Variants in ATXN1 observed in about 807,000 individuals in gnomAD.
ATXN1 encodes ataxin-1.
Under a neutral mutation model 56.4 loss-of-function variants are expected in ATXN1, and 8 were observed. That is an observed-to-expected ratio of 0.14 (90% confidence interval 0.08 to 0.26). The LOEUF (loss-of-function observed/expected upper bound fraction) is 0.26. Among genes scored for constraint, ATXN1 ranks in the 10% least tolerant of loss-of-function variants. The pLI, the probability that ATXN1 is intolerant of heterozygous loss-of-function variation, is 1.00. For synonymous variants in ATXN1, 514 were observed against 494.6 expected (o/e 1.04, Z -0.52); for missense variants, 987 against 1,106.5 (o/e 0.89, Z 1.53).
At chr6:16,585,360 T>C (rs1367969603) in intron 4 of ATXN1, among the ~76,000 whole-genome samples, 1 of 152,212 alleles carries the variant, frequency 6.6e-6, no homozygotes, top group East Asian at 1.9e-4. Flanking sequence ...TTAATAACTA[T>C]ACGGTAGAAA....
chr6:16,424,996 T>C (rs1384819907), intron 6 of ATXN1, among the ~76,000 whole-genome samples: 2 of 152,252 alleles, frequency 1.3e-5, no homozygotes, highest in Admixed American at 6.5e-5. Flanking sequence ...CAGTTTCTGG[T>C]ACCTTTGCAG....
chr6:16,646,977 TC>T (rs1343063556), intron 3 of ATXN1, among the ~76,000 whole-genome samples: 11 of 152,094 alleles, frequency 7.2e-5, no homozygotes, highest in African/African-American at 2.7e-4. Context: ...GCATCAAGAC[TC>T]ATTTAGGTTT....
At chr6:16,719,625 A>C (rs540348495) in intron 2 of ATXN1, among the ~76,000 whole-genome samples, 4 of 152,290 alleles carry the variant, frequency 2.6e-5, no homozygotes, top group African/African-American at 9.6e-5. Flanking sequence ...ATGACAGCTG[A>C]GATAGGCTCT....
intron 6 of ATXN1, among the ~76,000 whole-genome samples, chr6:16,377,357 G>T (rs1762160735): frequency 6.6e-6 from 1 of 152,216 alleles, no homozygotes; most frequent in Non-Finnish European, 1.5e-5. Flanking sequence ...GCACACTCTT[G>T]TTCTCTGCCT....
At chr6:16,481,510 C>T (rs1040137489) in intron 6 of ATXN1, among the ~76,000 whole-genome samples, 1 of 152,166 alleles carries the variant, frequency 6.6e-6, no homozygotes, top group Non-Finnish European at 1.5e-5. Context: ...ATTTTAGTCT[C>T]TCCATTTCTT....
rs111168 is a variant in ATXN1, at chr6:16,306,128, C to T, written c.*201G>A. 3.3e-5 allele frequency: 19 copies of T among 580,720 alleles called. No homozygotes were observed. The Admixed American group carries it at 7.0e-4, about 21-fold the overall frequency. The allele number at this position is 580,720 out of a possible 1,614,324, so 36.0% of individuals were successfully genotyped here. A position where few individuals can be genotyped will look rare whatever the true frequency, so the allele number is the denominator to read the frequency against. On this transcript the variant is annotated 3_prime_UTR_variant, in exon 8 of 8. Coordinates refer to ENST00000436367, the MANE Select transcript of ATXN1 (RefSeq NM_001128164.2). The surrounding 1 kb of genome is among the most constrained non-coding windows in gnomAD (Gnocchi z 5.2). ...CTCCTGCTGTGCCCTTCCTCCCGCC[C>T]GCTCACTGACAGACACTCGTGGAAA...
chr6:16,612,008 C>T (rs563889050), intron 3 of ATXN1, among the ~76,000 whole-genome samples: 2 of 151,436 alleles, frequency 1.3e-5, no homozygotes, highest in South Asian at 2.1e-4. Context: ...TACAGGTGCC[C>T]GCCACCACAC....
At chr6:16,416,663 G>A (rs191495750) in intron 6 of ATXN1, among the ~76,000 whole-genome samples, 4 of 152,140 alleles carry the variant, frequency 2.6e-5, no homozygotes, top group African/African-American at 4.8e-5. Context: ...CATCTTGCTC[G>A]TACACCCTAA....
chr6:16,671,973 T>G (rs1470078335), intron 2 of ATXN1, among the ~76,000 whole-genome samples: 1 of 152,224 alleles, frequency 6.6e-6, no homozygotes, highest in Admixed American at 6.5e-5. Context: ...GTATTTGAGT[T>G]TCTACAGCAG....
At chr6:16,692,453 T>C (rs1759069052) in intron 2 of ATXN1, among the ~76,000 whole-genome samples, 1 of 152,174 alleles carries the variant, frequency 6.6e-6, no homozygotes, top group African/African-American at 2.4e-5. Flanking sequence ...TCAAGTCAGA[T>C]ATAGGTAGGT....
chr6:16,418,859 A>G (rs1758972090), intron 6 of ATXN1, among the ~76,000 whole-genome samples: 2 of 151,764 alleles, frequency 1.3e-5, no homozygotes, highest in South Asian at 2.1e-4. Flanking sequence ...ATGATACAAC[A>G]TATTTCTATT....
At chr6:16,415,498 G>A (rs970771110) in intron 6 of ATXN1, among the ~76,000 whole-genome samples, 10 of 152,208 alleles carry the variant, frequency 6.6e-5, no homozygotes, top group African/African-American at 1.9e-4. Context: ...CCAAAGTGCT[G>A]GGATTACAGG....
intron 3 of ATXN1, among the ~76,000 whole-genome samples, chr6:16,600,014 T>A (rs982749921): frequency 3.9e-5 from 6 of 152,244 alleles, no homozygotes; most frequent in African/African-American, 1.4e-4. Context: ...AAATCTCACA[T>A]GTGGTTCATT....
Position 16,302,355 on chromosome 6 carries a change from A to T in ATXN1, c.*3974T>A, listed in dbSNP as rs1760128460. On this transcript the variant is annotated 3_prime_UTR_variant, in exon 8 of 8. Transcript: ENST00000436367. ...AGAAAACATAGAGGCTCACAATTCC[A>T]AGTTAGAAATGGGATCAACAACAAC... 1 of 152,510 alleles carries T rather than the reference A, an allele frequency of 6.6e-6. No individual in the cohort carries two copies. Among genetic ancestry groups the T allele is most frequent in the Non-Finnish European group, 1.5e-5 (1 of 68,052 alleles). The allele number at this position is 152,510 out of a possible 1,614,324, so 9.4% of individuals were successfully genotyped here.
chr6:16,533,459 T>C (rs1289312421), intron 4 of ATXN1, among the ~76,000 whole-genome samples: 2 of 152,126 alleles, frequency 1.3e-5, no homozygotes, highest in African/African-American at 4.8e-5. Context: ...TGATTCAGAG[T>C]GAGCTCTCAC....
At chr6:16,658,766 T>G (rs1034426768) in intron 2 of ATXN1, among the ~76,000 whole-genome samples, 2 of 152,234 alleles carry the variant, frequency 1.3e-5, no homozygotes, top group African/African-American at 4.8e-5. Flanking sequence ...CTGCCTCCTT[T>G]TTTAGCCTTT....
At chr6:16,718,339 C>T (rs1174080805) in intron 2 of ATXN1, among the ~76,000 whole-genome samples, 1 of 152,202 alleles carries the variant, frequency 6.6e-6, no homozygotes, top group Non-Finnish European at 1.5e-5. Context: ...CTAAATCTTG[C>T]CAGGATATGC....
rs1450372220 is a variant in ATXN1, at chr6:16,347,064, G to A, written c.-160-18594C>T. The stretch of plus-strand genomic sequence containing the variant: ...GTGCTCAATTTCTCGCCAGGCCTTA[G>A]CTGCCTTCTGGCGGGCAGGGCTCGG... On this transcript the variant is annotated intron_variant, in intron 6 of 7. Coordinates refer to ENST00000436367, the MANE Select transcript of ATXN1 (RefSeq NM_001128164.2). Among the ~76,000 whole-genome samples the A allele has an allele frequency of 3.9e-5, 6 of 152,246 alleles. No individual in the cohort carries two copies. In the South Asian group the frequency reaches 8.3e-4, roughly 21 times the overall value.
At chr6:16,600,705 T>C (rs1015648384) in intron 3 of ATXN1, among the ~76,000 whole-genome samples, 4 of 152,204 alleles carry the variant, frequency 2.6e-5, no homozygotes, top group African/African-American at 4.8e-5. Context: ...TCAAAGTCAC[T>C]ACCCATTCAA....
Sources: gnomAD v4.1 joint callset for allele counts (sites outside exome capture counted in the v4.1 genomes callset) on GRCh38, gnomAD v4.1.1 for gene constraint, Gnocchi (gnomAD v3.1) non-coding constraint, MANE v1.5 for transcripts, NCBI Gene and HGNC (gene_info 2026-07-23, HGNC 2026-07-21) for gene names.